The following ANKRD6 variants were observed in gnomAD, a reference collection of about 807,000 sequenced individuals.
The protein encoded by ANKRD6 is ankyrin repeat domain 6, also known as ankyrin repeat domain-containing protein 6.
In ANKRD6, 56 loss-of-function variants were observed where a neutral mutation model predicts 82.3. That is an observed-to-expected ratio of 0.68 (90% confidence interval 0.55 to 0.85). The LOEUF (loss-of-function observed/expected upper bound fraction) is 0.85. ANKRD6 is among the 40% of genes least tolerant of loss of function. ANKRD6 has a pLI of 0.00. For missense variants in ANKRD6, 852 were observed against 907.6 expected (o/e 0.94, Z 0.79); for synonymous variants, 347 against 352.1 (o/e 0.99, Z 0.16).
intron 1 of ANKRD6, among the ~76,000 whole-genome samples, chr6:89,435,039 T>G (rs1006824165): frequency 9.9e-5 from 15 of 152,122 alleles, no homozygotes; most frequent in Admixed American, 9.8e-4. Context: ...TTAATCTTAG[T>G]CTCCCACTTA....
chr6:89,627,737 C>T lies in ANKRD6; in HGVS notation c.1485+41C>T, dbSNP rs747409652. 7.0e-6 allele frequency: 11 copies of T among 1,579,572 alleles called. No homozygotes were observed. In the East Asian group the frequency reaches 2.5e-4, roughly 36 times the overall value. On this transcript the variant is annotated intron_variant, in intron 14 of 15. Transcript: ENST00000339746. ...TGCTAGTCCTTAACTTATGATTTACCACACAGGCCCACTGAGCTCAGGCAG... is the reference window on the plus strand; with the variant it reads ...TGCTAGTCCTTAACTTATGATTTACTACACAGGCCCACTGAGCTCAGGCAG...
Position 89,612,253 on chromosome 6 carries a change from C to T in ANKRD6, c.418-19C>T. The stretch of plus-strand genomic sequence containing the variant: ...AGCATGTTGCTAATATGTCCTCCCT[C>T]TCTCTGCCTCTCTCCAAGGCGGGGA... On this transcript the variant is annotated intron_variant, in intron 5 of 15. Coordinates refer to ENST00000339746, the MANE Select transcript of ANKRD6 (RefSeq NM_001242809.2). The T allele has an allele frequency of 6.5e-7, 1 of 1,549,660 alleles. No homozygotes were observed. The highest frequency in any genetic ancestry group is 8.7e-7 in the Non-Finnish European group (1 of 1,144,800).
chr6:89,570,468 A>G (rs1016746339), intron 2 of ANKRD6, among the ~76,000 whole-genome samples: 9 of 152,212 alleles, frequency 5.9e-5, no homozygotes, highest in African/African-American at 1.9e-4. Context: ...ATACATTCAC[A>G]TTATTGTGCA....
intron 5 of ANKRD6, among the ~76,000 whole-genome samples, chr6:89,607,839 G>C (rs556154334): frequency 6.9e-6 from 1 of 145,156 alleles, no homozygotes; most frequent in Non-Finnish European, 1.5e-5. Flanking sequence ...GTAGAGATGG[G>C]GTTTCACCAT....
chr6:89,440,792 C>T (rs140310403), intron 1 of ANKRD6, among the ~76,000 whole-genome samples: 11 of 147,774 alleles, frequency 7.4e-5, no homozygotes, highest in African/African-American at 2.7e-4. Flanking sequence ...GGCAACATAG[C>T]AAGATCCCAT....
At position 89,451,244 on chromosome 6, in the gene ANKRD6, G is replaced by A. The variant is rs1037895943; in HGVS notation, c.-144+17869G>A. 3.9e-5 allele frequency among the ~76,000 whole-genome samples: 6 copies of A among 152,314 alleles called. No homozygotes were observed. In the East Asian group the frequency reaches 1.2e-3, roughly 29 times the overall value. ...GGACTGCTTGAGCCTGGGAGGTGGA[G>A]GTTGCAGTGAGCTGAGATCACGCCA... is the stretch of plus-strand genomic sequence containing the variant. On this transcript the variant is annotated intron_variant, in intron 1 of 15. Transcript: ENST00000339746.
intron 7 of ANKRD6, among the ~76,000 whole-genome samples, chr6:89,614,876 G>A (rs911907807): frequency 1.3e-4 from 20 of 148,920 alleles, no homozygotes; most frequent in Non-Finnish European, 2.7e-4. Flanking sequence ...CACCAAGCAA[G>A]CATAGGAATT....
intron 1 of ANKRD6, among the ~76,000 whole-genome samples, chr6:89,465,214 G>T (rs911672065): frequency 3.3e-5 from 5 of 151,504 alleles, no homozygotes; most frequent in African/African-American, 1.2e-4. Flanking sequence ...CTGCCTCCTG[G>T]GTTCAAGTAA....
At chr6:89,594,729 T>C (rs187954146) in intron 2 of ANKRD6, among the ~76,000 whole-genome samples, 235 of 152,216 alleles carry the variant, frequency 1.5e-3, no homozygotes, top group African/African-American at 5.4e-3. Flanking sequence ...ACTTCATAAT[T>C]TCAGTTTAGT....
chr6:89,468,261 A>G (rs1775066690), intron 1 of ANKRD6, among the ~76,000 whole-genome samples: 1 of 152,188 alleles, frequency 6.6e-6, no homozygotes. Flanking sequence ...TTTTCACTTG[A>G]CATTTAATGA....
intron 2 of ANKRD6, among the ~76,000 whole-genome samples, chr6:89,579,630 G>A (rs182487959): frequency 1.7e-4 from 26 of 151,886 alleles, no homozygotes; most frequent in East Asian, 9.7e-4. Context: ...GGTGGTGCAC[G>A]CCTGTAATCC....
chr6:89,495,555 C>T (rs1778512287), intron 1 of ANKRD6, among the ~76,000 whole-genome samples: 1 of 152,178 alleles, frequency 6.6e-6, no homozygotes, highest in Non-Finnish European at 1.5e-5. Flanking sequence ...AACTCTACAA[C>T]TCTGCAGGTG....
chr6:89,558,716 A>G (rs1329683797), intron 1 of ANKRD6, among the ~76,000 whole-genome samples: 1 of 152,008 alleles, frequency 6.6e-6, no homozygotes, highest in Admixed American at 6.6e-5. Context: ...AATGCAAACC[A>G]CAGACTCTAG....
intron 1 of ANKRD6, among the ~76,000 whole-genome samples, chr6:89,449,237 T>C (rs1200752468): frequency 1.3e-5 from 2 of 152,086 alleles, no homozygotes; most frequent in Non-Finnish European, 2.9e-5. Context: ...ATTCCAACCC[T>C]CGGGTCACTT....
intron 2 of ANKRD6, among the ~76,000 whole-genome samples, chr6:89,578,486 G>C (rs955210047): frequency 6.6e-6 from 1 of 151,880 alleles, no homozygotes; most frequent in Non-Finnish European, 1.5e-5. Flanking sequence ...AGTAGAGATG[G>C]GGTCTTGTCA....
intron 1 of ANKRD6, among the ~76,000 whole-genome samples, chr6:89,446,886 A>T (rs1316787135): frequency 2.0e-5 from 3 of 152,062 alleles, no homozygotes; most frequent in Admixed American, 1.3e-4. Context: ...CCCCCTTTTG[A>T]TTGGCACTTC....
chr6:89,465,120 ATTT>A (rs1238834768), intron 1 of ANKRD6, among the ~76,000 whole-genome samples: 7 of 138,794 alleles, frequency 5.0e-5, no homozygotes, highest in African/African-American at 7.9e-5. Context: ...CATTGCTTTA[ATTT>A]TTTTTTTTTT....
chr6:89,514,254 C>G (rs1267796461), intron 1 of ANKRD6, among the ~76,000 whole-genome samples: 9 of 151,990 alleles, frequency 5.9e-5, no homozygotes, highest in Non-Finnish European at 1.2e-4. Context: ...GGCATGTACC[C>G]GTAATCCGAG....
intron 1 of ANKRD6, among the ~76,000 whole-genome samples, chr6:89,484,024 G>T (rs1482821360): frequency 6.6e-6 from 1 of 152,118 alleles, no homozygotes; most frequent in African/African-American, 2.4e-5. Flanking sequence ...TCGTGCCTCA[G>T]TGTCCTGAGT....
Sources: allele counts gnomAD v4.1 joint callset (sites outside exome capture counted in the v4.1 genomes callset), GRCh38; gene constraint gnomAD v4.1.1; transcripts MANE v1.5; gene names NCBI Gene and HGNC (gene_info 2026-07-23, HGNC 2026-07-21).